NR2F6: variants seen among roughly 807,000 people sequenced by gnomAD.
NR2F6 encodes the protein ERBA-related gene-2.
NR2F6 carries 16 observed loss-of-function variants against 26.5 expected under a neutral mutation model. The ratio of observed to expected loss-of-function variants is 0.60; its 90% CI spans 0.41 to 0.92. NR2F6 has a LOEUF of 0.92. Ranked by LOEUF, NR2F6 falls within the 40% of genes least tolerant of loss-of-function variation. The pLI is 0.00. For synonymous variants in NR2F6, 325 were observed against 305.0 expected, an observed-to-expected ratio of 1.07 and a Z score of -0.68; for missense variants, 536 against 631.7, an observed-to-expected ratio of 0.85 and a Z score of 1.62.
intron 2 of NR2F6, among the ~76,000 whole-genome samples, chr19:17,237,638 C>T (rs1408784627): frequency 6.6e-6 from 1 of 152,044 alleles, no homozygotes; most frequent in African/African-American, 2.4e-5. Flanking sequence ...TCTCAATCTC[C>T]TGACCTCGTG....
At chr19:17,239,765 G>A (rs1303481355) in intron 2 of NR2F6, among the ~76,000 whole-genome samples, 4 of 152,100 alleles carry the variant, frequency 2.6e-5, no homozygotes, top group African/African-American at 4.8e-5. Context: ...GCTGCAGTGA[G>A]CTGAGATCAC....
intron 3 of NR2F6, among the ~76,000 whole-genome samples, chr19:17,233,361 G>A (rs894193603): frequency 1.3e-5 from 2 of 151,398 alleles, no homozygotes; most frequent in Non-Finnish European, 2.9e-5. Flanking sequence ...ACGACCCTGG[G>A]ATGCAAATGG....
intron 2 of NR2F6, among the ~76,000 whole-genome samples, chr19:17,240,445 C>T (rs766781009): frequency 4.6e-5 from 7 of 152,160 alleles, no homozygotes; most frequent in Non-Finnish European, 5.9e-5. Flanking sequence ...CAGGGGGCCA[C>T]GGATCCTAAT....
At chr19:17,234,240 AT>A (rs1170601968) in intron 3 of NR2F6, among the ~76,000 whole-genome samples, 1 of 151,548 alleles carries the variant, frequency 6.6e-6, no homozygotes, top group Non-Finnish European at 1.5e-5. Context: ...AAAAAAAAAA[AT>A]CTTCTGGGAA....
At chr19:17,234,131 G>C (rs2073422818) in intron 3 of NR2F6, among the ~76,000 whole-genome samples, 1 of 151,478 alleles carries the variant, frequency 6.6e-6, no homozygotes, top group African/African-American at 2.4e-5. Context: ...GCTGAGGCAG[G>C]AGAATAGCTT....
At chr19:17,243,357 G>C (rs1184659340) in intron 1 of NR2F6, among the ~76,000 whole-genome samples, 1 of 152,158 alleles carries the variant, frequency 6.6e-6, no homozygotes, top group African/African-American at 2.4e-5. Context: ...ACCCAGGCTG[G>C]GCCCCAGCGA....
Position 17,235,625 on chromosome 19 carries a change from C to A in NR2F6, c.814G>T (p.Ala272Ser). The change falls in exon 3 of 4, where the codon GCC (alanine) becomes TCC (serine). Residue 272 changes from alanine to serine, a missense_variant. By Grantham distance (99) the Ala-to-Ser change is moderately conservative. Transcript: ENST00000291442. This position sits in a 1 kb window ranked among gnomAD's most constrained non-coding sequence, Gnocchi z 5.0. ...TCCATGAAAGCCACGGCGCGCTCGGCGGCCATAGGCGCGGCGTGGAGGCCG... is the reference window on the plus strand; with the variant it reads ...TCCATGAAAGCCACGGCGCGCTCGGAGGCCATAGGCGCGGCGTGGAGGCCG... ...AAGLHAAPMAAERAVAFMDQV... is the reference protein window; with the variant it reads ...AAGLHAAPMASERAVAFMDQV... 6.5e-7 allele frequency: 1 copy of A among 1,546,280 alleles called. No individual in the cohort carries two copies. The highest frequency in any genetic ancestry group is 8.7e-7 in the Non-Finnish European group (1 of 1,154,824).
chr19:17,243,068 C>T (rs1328344828), intron 1 of NR2F6, among the ~76,000 whole-genome samples: 1 of 152,198 alleles, frequency 6.6e-6, no homozygotes, highest in Non-Finnish European at 1.5e-5. Flanking sequence ...TCTTACAGCA[C>T]AGCTCCCCCA....
intron 3 of NR2F6, among the ~76,000 whole-genome samples, chr19:17,233,030 T>A (rs1323199823): frequency 6.6e-6 from 1 of 152,178 alleles, no homozygotes; most frequent in South Asian, 2.1e-4. Context: ...GTGCCTGCAG[T>A]TCCAGCTACT....
intron 2 of NR2F6, among the ~76,000 whole-genome samples, chr19:17,240,436 A>T (rs1350268271): frequency 2.0e-5 from 3 of 152,152 alleles, no homozygotes; most frequent in African/African-American, 7.2e-5. Context: ...GGCAGCAACC[A>T]GGGGGCCACG....
In NR2F6 at chr19:17,233,988, G is replaced by A. The variant is rs191420055; in HGVS notation, c.941-1362C>T. Among the ~76,000 whole-genome samples the A allele has an allele frequency of 1.7e-3, 253 of 152,204 alleles. 3 individuals are homozygous for A. Among genetic ancestry groups the A allele is most frequent in the Middle Eastern group, 0.014 (4 of 294 alleles). ...GCCTGTAATCCCAGCACTTTGGGAG[G>A]CTGAGGCGGGCAGATCATGAGGTCA... On this transcript the variant is annotated intron_variant, in intron 3 of 3. Transcript: ENST00000291442.
At chr19:17,236,158 T>TGGGGGGG (rs2073437264) in intron 2 of NR2F6, 93 bp from the exon 3 acceptor site, 1 of 1,830 alleles carries the variant, frequency 5.5e-4, no homozygotes, top group African/African-American at 4.5e-3. Flanking sequence ...GGACAGGAGA[T>TGGGGGGG]GGGGGAGGGG....
chr19:17,243,479 T>A (rs1238905236), intron 1 of NR2F6, among the ~76,000 whole-genome samples: 1 of 149,458 alleles, frequency 6.7e-6, no homozygotes, highest in Non-Finnish European at 1.5e-5. Context: ...CACCCAAAAT[T>A]GCTGCTCCCT....
Position 17,231,962 on chromosome 19 carries a change from T to C in NR2F6, c.*390A>G. 1 of 237,006 alleles carries C rather than the reference T, an allele frequency of 4.2e-6. No homozygotes were observed. Among genetic ancestry groups the C allele is most frequent in the Non-Finnish European group, 8.3e-6 (1 of 120,512 alleles). 14.7% of individuals were successfully genotyped at this position (237,006 alleles called of 1,614,324 possible). Reference sequence around the variant, plus strand: ...ACATAGGTTACGTGTCCAGAGGATCTGCCTGGCACACGCTAGCTACCCCTG... The same window carrying C: ...ACATAGGTTACGTGTCCAGAGGATCCGCCTGGCACACGCTAGCTACCCCTG... On this transcript the variant is annotated 3_prime_UTR_variant, in exon 4 of 4. Coordinates refer to ENST00000291442, the MANE Select transcript of NR2F6 (RefSeq NM_005234.4).
chr19:17,245,201 C>A lies in NR2F6; in HGVS notation c.20G>T (p.Gly7Val). Residue 7 changes from glycine to valine, a missense_variant, in exon 1 of 4, where the codon GGC becomes GTC. Gly to Val is a moderately radical substitution (Grantham distance 109). Coordinates refer to ENST00000291442, the MANE Select transcript of NR2F6 (RefSeq NM_005234.4). This position sits in a 1 kb window ranked among gnomAD's most constrained non-coding sequence, Gnocchi z 5.0. ...CGTGTCGCCGCCGGGGCCGCCCCAG[C>A]CGCCGGTCACCATGGCCATAGCCCC... is the stretch of plus-strand genomic sequence containing the variant. Reference protein sequence around the residue: MAMVTGGWGGPGGDTNG... With the variant: MAMVTGVWGGPGGDTNG... The A allele has an allele frequency of 7.3e-7, 1 of 1,372,652 alleles. No homozygotes were observed. The highest frequency in any genetic ancestry group is 9.4e-7 in the Non-Finnish European group (1 of 1,061,512). 85.0% of individuals were successfully genotyped at this position (1,372,652 alleles called of 1,614,324 possible). A position where few individuals can be genotyped will look rare whatever the true frequency, so the allele number is the denominator to read the frequency against.
At chr19:17,242,657 C>A (rs1055344549) in intron 1 of NR2F6, among the ~76,000 whole-genome samples, 1 of 152,198 alleles carries the variant, frequency 6.6e-6, no homozygotes, top group African/African-American at 2.4e-5. Flanking sequence ...AGAACCAGAA[C>A]AAAGCCCAGC....
At position 17,245,203 on chromosome 19, in the gene NR2F6, G is replaced by C; in HGVS notation, c.18C>G (p.Gly6=). The part of the protein sequence containing the change: MAMVT[G]GWGGPGGDTN... ...TGTCGCCGCCGGGGCCGCCCCAGCC[G>C]CCGGTCACCATGGCCATAGCCCCAG... is the stretch of plus-strand genomic sequence containing the variant. Residue 6 remains glycine, a synonymous_variant, in exon 1 of 4, where the codon GGC becomes GGG. Coordinates refer to ENST00000291442, the MANE Select transcript of NR2F6 (RefSeq NM_005234.4). This position sits in a 1 kb window ranked among gnomAD's most constrained non-coding sequence, Gnocchi z 5.0. 1 of 1,371,940 alleles carries C rather than the reference G, an allele frequency of 7.3e-7. No individual in the cohort carries two copies. The highest frequency in any genetic ancestry group is 9.4e-7 in the Non-Finnish European group (1 of 1,061,138). The allele number at this position is 1,371,940 out of a possible 1,614,324, so 85.0% of individuals were successfully genotyped here.
chr19:17,239,415 G>C (rs1236938680), intron 2 of NR2F6, among the ~76,000 whole-genome samples: 2 of 151,938 alleles, frequency 1.3e-5, no homozygotes, highest in Non-Finnish European at 2.9e-5. Context: ...CCAGCACTTT[G>C]GGAGGCTGAG....
At chr19:17,237,541 A>G (rs1299698901) in intron 2 of NR2F6, among the ~76,000 whole-genome samples, 2 of 152,096 alleles carry the variant, frequency 1.3e-5, no homozygotes, top group African/African-American at 2.4e-5. Flanking sequence ...CCTCCCGAGT[A>G]GCTGGGATTA....
Sources: gnomAD v4.1 joint callset for allele counts (sites outside exome capture counted in the v4.1 genomes callset) on GRCh38, gnomAD v4.1.1 for gene constraint, Gnocchi (gnomAD v3.1) non-coding constraint, MANE v1.5 for transcripts, NCBI Gene and HGNC (gene_info 2026-07-23, HGNC 2026-07-21) for gene names.